ARHGAP20: variants seen among roughly 807,000 people sequenced by gnomAD.
ARHGAP20 encodes rho GTPase-activating protein 20.
Under a neutral mutation model 73.7 loss-of-function variants are expected in ARHGAP20, and 34 were observed. That is an observed-to-expected ratio of 0.46 (90% CI 0.35 to 0.61). ARHGAP20 has a LOEUF of 0.61. Ranked by LOEUF, ARHGAP20 falls within the 20% of genes least tolerant of loss-of-function variation. The probability of loss-of-function intolerance (pLI) is 0.00; values close to 1 mark genes in which losing one functional copy is unlikely to be tolerated. For synonymous variants in ARHGAP20, 523 were observed against 518.2 expected (o/e 1.01, Z -0.13); for missense variants, 1,314 against 1,420.9 (o/e 0.92, Z 1.21).
chr11:110,593,484 A>G (rs958494688), intron 9 of ARHGAP20, among the ~76,000 whole-genome samples: 1 of 152,210 alleles, frequency 6.6e-6, no homozygotes, highest in African/African-American at 2.4e-5. Flanking sequence ...AGTGAGCAAA[A>G]GAAGGTAGAT....
intron 2 of ARHGAP20, among the ~76,000 whole-genome samples, chr11:110,675,609 T>G (rs1487699163): frequency 6.6e-6 from 1 of 152,028 alleles, no homozygotes; most frequent in Non-Finnish European, 1.5e-5. Flanking sequence ...CATGCACAGT[T>G]CACAGTAGGG....
At chr11:110,620,551 C>T (rs1948606809) in intron 4 of ARHGAP20, among the ~76,000 whole-genome samples, 1 of 152,140 alleles carries the variant, frequency 6.6e-6, no homozygotes, top group Non-Finnish European at 1.5e-5. Flanking sequence ...CTAGATTTCC[C>T]TAACATTTCC....
At chr11:110,646,062 TG>T (rs1341466671) in intron 2 of ARHGAP20, among the ~76,000 whole-genome samples, 1 of 152,148 alleles carries the variant, frequency 6.6e-6, no homozygotes, top group Non-Finnish European at 1.5e-5. Flanking sequence ...CTCCAAACCT[TG>T]GCATCATGCC....
chr11:110,683,556 ATT>A (rs1237634913), intron 2 of ARHGAP20, among the ~76,000 whole-genome samples: 1 of 152,198 alleles, frequency 6.6e-6, no homozygotes, highest in Non-Finnish European at 1.5e-5. Context: ...ACAAGGTATT[ATT>A]TTATTAATAA....
Position 110,577,312 on chromosome 11 carries a change from A to G in ARHGAP20, c.*2058T>C, listed in dbSNP as rs1431529786. 4 of 1,301,102 alleles carry G rather than the reference A, an allele frequency of 3.1e-6. No homozygotes were observed. Among genetic ancestry groups the G allele is most frequent in the Admixed American group, 3.8e-5 (1 of 26,296 alleles). The allele number at this position is 1,301,102 out of a possible 1,614,324, so 80.6% of individuals were successfully genotyped here. On this transcript the variant is annotated 3_prime_UTR_variant, in exon 15 of 15. Coordinates refer to ENST00000683387, the MANE Select transcript of ARHGAP20 (RefSeq NM_001384657.1). ...GACATATAGTCTGTCTTCAAATCAT[A>G]CAATATAATACTTTACAGCAATATT...
Position 110,595,899 on chromosome 11 carries a change from C to T in ARHGAP20, c.965-3744G>A, listed in dbSNP as rs557347454. ...CGCTACCTGACTTCAAACTATACTA[C>T]AAGGCTACAGTAACCAAAACAGCAT... On this transcript the variant is annotated intron_variant, in intron 9 of 14. Coordinates refer to ENST00000683387, the MANE Select transcript of ARHGAP20 (RefSeq NM_001384657.1). Among the ~76,000 whole-genome samples, 1,475 of 152,156 alleles carry T rather than the reference C, an allele frequency of 9.7e-3. 23 individuals are homozygous for T. The highest frequency in any genetic ancestry group is 0.033 in the African/African-American group (1,363 of 41,482).
At chr11:110,665,260 C>A (rs1949701146) in intron 2 of ARHGAP20, among the ~76,000 whole-genome samples, 1 of 151,574 alleles carries the variant, frequency 6.6e-6, no homozygotes, top group African/African-American at 2.4e-5. Flanking sequence ...CACAAAAGGT[C>A]TAAAATCAAT....
At chr11:110,634,822 T>C (rs928492368) in intron 2 of ARHGAP20, among the ~76,000 whole-genome samples, 2 of 152,120 alleles carry the variant, frequency 1.3e-5, no homozygotes, top group East Asian at 3.9e-4. Flanking sequence ...AACACTCCAA[T>C]CCTAAAATAT....
chr11:110,630,883 G>A, intron 2 of ARHGAP20, 91 bp from the exon 3 acceptor site: 2 of 1,321,894 alleles, frequency 1.5e-6, no homozygotes. Context: ...TTAATACAAT[G>A]GTATAGCATC....
At chr11:110,691,735 C>A (rs1950246612) in intron 1 of ARHGAP20, among the ~76,000 whole-genome samples, 1 of 152,240 alleles carries the variant, frequency 6.6e-6, no homozygotes, top group Non-Finnish European at 1.5e-5. Flanking sequence ...GGATCTCTCC[C>A]AAATTATTGT....
At chr11:110,647,095 A>C (rs1949211192) in intron 2 of ARHGAP20, among the ~76,000 whole-genome samples, 1 of 152,002 alleles carries the variant, frequency 6.6e-6, no homozygotes, top group Non-Finnish European at 1.5e-5. Context: ...TTTTAGTAAG[A>C]AGCAGTTTTA....
At position 110,580,236 on chromosome 11, in the gene ARHGAP20, C is replaced by A; in HGVS notation, c.2710G>T (p.Val904Phe). 6.2e-7 allele frequency: 1 copy of A among 1,614,230 alleles called. No homozygotes were observed. Among genetic ancestry groups the A allele is most frequent in the Non-Finnish European group, 8.5e-7 (1 of 1,180,046 alleles). Residue 904 changes from valine to phenylalanine, a missense_variant, in exon 15 of 15, where the codon GTC becomes TTC. Physicochemically the swap from Val to Phe is conservative, Grantham distance 50. This residue lies in a region of ARHGAP20 where 641 missense variants were observed against 636.9 expected (regional missense o/e 1.01). Transcript: ENST00000683387. ...EGQKLINQSL[V>F]MGIEVGKSSA... ...CTCTTGCCCACCTCAATCCCCATGA[C>A]TAAACTCTGATTAATGAGCTTCTGC...
intron 7 of ARHGAP20, 63 bp downstream of exon 7, chr11:110,611,246 C>A: frequency 9.0e-7 from 1 of 1,112,478 alleles, no homozygotes; most frequent in South Asian, 1.5e-5. Context: ...AAGGAAAATA[C>A]TTACATAAAT....
At chr11:110,586,423 G>A (rs1278365785) in intron 11 of ARHGAP20, 98 bp from the exon 12 acceptor site, 20 of 640,654 alleles carry the variant, frequency 3.1e-5, no homozygotes, top group South Asian at 2.2e-4. Flanking sequence ...GTTCCCTTAC[G>A]TACTCTCTTC....
Position 110,650,024 on chromosome 11 carries a change from A to C in ARHGAP20, c.189-19232T>G, listed in dbSNP as rs985219133. 3.2e-4 allele frequency among the ~76,000 whole-genome samples: 49 copies of C among 152,266 alleles called. 1 individual carries two copies. Among genetic ancestry groups the C allele is most frequent in the African/African-American group, 1.1e-3 (46 of 41,576 alleles). ...ATAAACTACATGAAATCTTTAAAAA[A>C]ATCTCTGTGTCCCTGGTATATGAGC... On this transcript the variant is annotated intron_variant, in intron 2 of 14. Coordinates refer to ENST00000683387, the MANE Select transcript of ARHGAP20 (RefSeq NM_001384657.1).
Position 110,643,250 on chromosome 11 carries a change from G to A in ARHGAP20, c.189-12458C>T, listed in dbSNP as rs1405273738. On this transcript the variant is annotated intron_variant, in intron 2 of 14. Coordinates refer to ENST00000683387, the MANE Select transcript of ARHGAP20 (RefSeq NM_001384657.1). ...TCTGGTTTTACTGGTCTTTTGTATA[G>A]ATTTTTATGTCTCGATTTCATCCAT... Among the ~76,000 whole-genome samples, 7 of 151,962 alleles carry A rather than the reference G, an allele frequency of 4.6e-5. No individual in the cohort carries two copies. The East Asian group carries it at 1.2e-3, about 25-fold the overall frequency.
chr11:110,621,074 C>CAAAAAAA (rs34424855), intron 4 of ARHGAP20, among the ~76,000 whole-genome samples: 13 of 46,746 alleles, frequency 2.8e-4, no homozygotes, highest in African/African-American at 4.5e-4. Context: ...AACTCCATCT[C>CAAAAAAA]AAAAAAAAAA....
At chr11:110,648,272 T>C (rs1459447666) in intron 2 of ARHGAP20, among the ~76,000 whole-genome samples, 2 of 142,070 alleles carry the variant, frequency 1.4e-5, no homozygotes, top group East Asian at 2.0e-4. Flanking sequence ...TATGTAAATA[T>C]ATATATGCAT....
chr11:110,638,259 A>G (rs757302114), intron 2 of ARHGAP20, among the ~76,000 whole-genome samples: 7 of 152,116 alleles, frequency 4.6e-5, no homozygotes, highest in Non-Finnish European at 1.0e-4. Flanking sequence ...TGAAATATAA[A>G]TAAATTGTGT....
Sources: allele counts gnomAD v4.1 joint callset (sites outside exome capture counted in the v4.1 genomes callset), GRCh38; gene constraint gnomAD v4.1.1; regional missense constraint gnomAD v4.1.1; transcripts MANE v1.5; gene names NCBI Gene and HGNC (gene_info 2026-07-23, HGNC 2026-07-21).